The following TEAD1 variants were observed in gnomAD, a reference collection of about 807,000 sequenced individuals.
TEAD1 encodes the protein transcriptional enhancer factor TEF-1.
TEAD1 carries 9 observed loss-of-function variants against 54.9 expected under a neutral mutation model. That is an observed-to-expected ratio of 0.16 (90% confidence interval 0.10 to 0.29). The LOEUF (loss-of-function observed/expected upper bound fraction) is 0.29. Ranked by LOEUF, TEAD1 falls within the 10% of genes least tolerant of loss-of-function variation. The pLI, the probability that TEAD1 is intolerant of heterozygous loss-of-function variation, is 1.00. For missense variants in TEAD1, 387 were observed against 535.9 expected (o/e 0.72, Z 2.74); for synonymous variants, 200 against 187.8 (o/e 1.07, Z -0.53).
rs1195762289 is a variant in TEAD1, at chr11:12,870,988, A to G, written c.330+6088A>G. Among the ~76,000 whole-genome samples, 3 of 152,154 alleles carry G rather than the reference A, an allele frequency of 2.0e-5. No individual in the cohort carries two copies. In the South Asian group the frequency reaches 6.2e-4, roughly 32 times the overall value. On this transcript the variant is annotated intron_variant, in intron 5 of 12. Coordinates refer to ENST00000527636, the MANE Select transcript of TEAD1 (RefSeq NM_021961.6). ...GAAGGAGTTGTTTCTTAGTGATGGG[A>G]GTGCTATGTGTTTGTCTCCTACTCA...
intron 2 of TEAD1, among the ~76,000 whole-genome samples, chr11:12,756,950 C>T (rs1232820385): frequency 6.6e-6 from 1 of 151,990 alleles, no homozygotes; most frequent in African/African-American, 2.4e-5. Context: ...ACCTTTTTTC[C>T]CCCCAGTCTT....
At chr11:12,920,944 C>A (rs144748616) in intron 10 of TEAD1, among the ~76,000 whole-genome samples, 4 of 152,238 alleles carry the variant, frequency 2.6e-5, no homozygotes, top group Admixed American at 2.6e-4. Context: ...TTTCAAATGG[C>A]TGTACTTTAT....
At chr11:12,791,706 C>CT (rs1945805861) in intron 3 of TEAD1, among the ~76,000 whole-genome samples, 1 of 152,044 alleles carries the variant, frequency 6.6e-6, no homozygotes, top group African/African-American at 2.4e-5. Flanking sequence ...AGTCAGTTCT[C>CT]TAATATTTTC....
At chr11:12,870,466 A>G (rs1947720817) in intron 5 of TEAD1, among the ~76,000 whole-genome samples, 2 of 151,914 alleles carry the variant, frequency 1.3e-5, no homozygotes, top group African/African-American at 4.8e-5. Context: ...GCTCGGTAAG[A>G]TGGAAAAAAG....
rs144879586 is a variant in TEAD1 at position 12,741,354 on chromosome 11, C to T, written c.-54-22825C>T. Among the ~76,000 whole-genome samples the T allele has an allele frequency of 7.5e-3, 1,142 of 152,000 alleles. 13 individuals carry two copies. Among genetic ancestry groups the T allele is most frequent in the Non-Finnish European group, 8.4e-3 (573 of 67,980 alleles). ...TGAATTTTCTCTTTTTGATAAATTT[C>T]TAGGGTTAGGATTGCTAGGTCAAAG... On this transcript the variant is annotated intron_variant, in intron 2 of 12. Coordinates refer to ENST00000527636, the MANE Select transcript of TEAD1 (RefSeq NM_021961.6).
intron 3 of TEAD1, among the ~76,000 whole-genome samples, chr11:12,799,503 T>C (rs1946005218): frequency 6.6e-6 from 1 of 152,248 alleles, no homozygotes; most frequent in African/African-American, 2.4e-5. Context: ...AAGATGAGTG[T>C]GTGTGTGTCA....
At chr11:12,928,199 T>G (rs1948935986) in intron 11 of TEAD1, among the ~76,000 whole-genome samples, 1 of 152,200 alleles carries the variant, frequency 6.6e-6, no homozygotes, top group Non-Finnish European at 1.5e-5. Flanking sequence ...TTGGATTTAT[T>G]GTTGCATTCT....
At chr11:12,874,255 T>C (rs1226264666) in intron 5 of TEAD1, among the ~76,000 whole-genome samples, 1 of 152,232 alleles carries the variant, frequency 6.6e-6, no homozygotes, top group Non-Finnish European at 1.5e-5. Flanking sequence ...ATGAGATAAT[T>C]GATTTTGCAG....
chr11:12,881,427 T>C (rs751260146), intron 7 of TEAD1, among the ~76,000 whole-genome samples: 1 of 152,084 alleles, frequency 6.6e-6, no homozygotes, highest in Non-Finnish European at 1.5e-5. Context: ...GGATGGCTAG[T>C]AGACAAATCC....
chr11:12,722,249 C>A (rs1035846105), intron 2 of TEAD1, among the ~76,000 whole-genome samples: 3 of 152,162 alleles, frequency 2.0e-5, no homozygotes, highest in Admixed American at 1.3e-4. Context: ...GGGATCTCAT[C>A]CTGTCTCCAC....
At chr11:12,688,870 G>A (rs1459008659) in intron 2 of TEAD1, among the ~76,000 whole-genome samples, 1 of 152,188 alleles carries the variant, frequency 6.6e-6, no homozygotes, top group African/African-American at 2.4e-5. Flanking sequence ...TCAGTTCAGG[G>A]TCCTGAGGTT....
At chr11:12,785,033 C>G (rs1945649110) in intron 3 of TEAD1, among the ~76,000 whole-genome samples, 1 of 152,168 alleles carries the variant, frequency 6.6e-6, no homozygotes, top group South Asian at 2.1e-4. Context: ...CTGCCAGATG[C>G]AGCAAGCCCT....
chr11:12,753,919 G>A (rs551324352), intron 2 of TEAD1, among the ~76,000 whole-genome samples: 5 of 152,266 alleles, frequency 3.3e-5, no homozygotes, highest in East Asian at 1.9e-4. Context: ...ACTATTGTGT[G>A]TGGTGGGGTC....
intron 2 of TEAD1, among the ~76,000 whole-genome samples, chr11:12,725,913 A>T (rs957390455): frequency 6.6e-6 from 1 of 152,198 alleles, no homozygotes; most frequent in Non-Finnish European, 1.5e-5. Context: ...AACCATGGAG[A>T]TTTTACAAAT....
chr11:12,938,465 AT>A lies in TEAD1; in HGVS notation c.*1246del, dbSNP rs1246751304. ...ACAAATGCACATATAGAGTTAACAC[AT>A]TTAGTGAACACTTGTTTAGTGTCAC... On this transcript the variant is annotated 3_prime_UTR_variant, in exon 13 of 13. Transcript: ENST00000527636. The A allele has an allele frequency of 1.3e-5, 2 of 152,370 alleles. No individual in the cohort carries two copies. The highest frequency in any genetic ancestry group is 1.3e-4 in the Admixed American group (2 of 15,286). The allele number at this position is 152,370 out of a possible 1,614,324, so 9.4% of individuals were successfully genotyped here.
At chr11:12,688,701 A>G (rs768651407) in intron 2 of TEAD1, among the ~76,000 whole-genome samples, 2 of 152,204 alleles carry the variant, frequency 1.3e-5, no homozygotes, top group Admixed American at 6.5e-5. Context: ...GATTAACTCT[A>G]TCTCGGCTTC....
chr11:12,835,613 C>T (rs912613734), intron 3 of TEAD1, among the ~76,000 whole-genome samples: 3 of 151,428 alleles, frequency 2.0e-5, no homozygotes, highest in Admixed American at 6.6e-5. Context: ...AGCCACCGTA[C>T]CCGGTGGCTC....
intron 4 of TEAD1, among the ~76,000 whole-genome samples, chr11:12,864,406 G>GTTT (rs1947572021): frequency 6.6e-6 from 1 of 151,966 alleles, no homozygotes; most frequent in South Asian, 2.1e-4. Context: ...TTTCTCTTGG[G>GTTT]TGGGAAGACT....
In TEAD1 at chr11:12,941,106, G is replaced by C. The variant is rs1949158642; in HGVS notation, c.*3884G>C. ...CTGGGGGAGGCTGCTGTTCTTAGGT[G>C]CTCTAAGCTTAATCCCTCAGAATGT... On this transcript the variant is annotated 3_prime_UTR_variant, in exon 13 of 13. Coordinates refer to ENST00000527636, the MANE Select transcript of TEAD1 (RefSeq NM_021961.6). 2 of 152,208 alleles carry C rather than the reference G, an allele frequency of 1.3e-5. No homozygotes were observed. The highest frequency in any genetic ancestry group is 1.3e-4 in the Admixed American group (2 of 15,278). The allele number at this position is 152,208 out of a possible 1,614,324, so 9.4% of individuals were successfully genotyped here. A position where few individuals can be genotyped will look rare whatever the true frequency, so the allele number is the denominator to read the frequency against.
Sources: gnomAD v4.1 joint callset for allele counts (sites outside exome capture counted in the v4.1 genomes callset) on GRCh38, gnomAD v4.1.1 for gene constraint, MANE v1.5 for transcripts, NCBI Gene and HGNC (gene_info 2026-07-23, HGNC 2026-07-21) for gene names.